The following MGAM variants were observed in gnomAD, a reference collection of about 807,000 sequenced individuals.
The protein encoded by MGAM is alpha-1,4-glucosidase.
Under a neutral mutation model 358.8 loss-of-function variants are expected in MGAM, and 253 were observed. The observed-to-expected ratio is 0.71, with a 90% confidence interval of 0.64 to 0.78. The LOEUF (loss-of-function observed/expected upper bound fraction) is 0.78. Ranked by LOEUF, MGAM falls within the 30% of genes least tolerant of loss-of-function variation. The pLI is 0.00. For synonymous variants in MGAM, 1,105 were observed against 1,227.1 expected (o/e 0.90, Z 2.08); for missense variants, 3,080 against 3,432.6 (o/e 0.90, Z 2.57).
At chr7:142,036,745 G>C in intron 17 of MGAM, 78 bp from the exon 18 acceptor site, 1 of 1,459,156 alleles carries the variant, frequency 6.9e-7, no homozygotes. Flanking sequence ...TGGTTGTAAT[G>C]AATGAGGTCT....
Position 142,074,181 on chromosome 7 carries a change from C to T in MGAM, c.5275+8C>T, listed in dbSNP as rs769629173. ...ATGATGGGCAAACAAAGGGTGAGCG[C>T]TGTTACAATAATGTTGCTGTTTCCC... On this transcript the variant is annotated splice_region_variant and intron_variant, in intron 45 of 70. Coordinates refer to ENST00000475668, the MANE Select transcript of MGAM (RefSeq NM_001365693.1). 6.1e-5 allele frequency: 92 copies of T among 1,509,334 alleles called. 19 individuals carry two copies. Among genetic ancestry groups the T allele is most frequent in the Non-Finnish European group, 8.3e-5 (91 of 1,099,768 alleles). The allele number at this position is 1,509,334 out of a possible 1,614,324, so 93.5% of individuals were successfully genotyped here. A position where few individuals can be genotyped will look rare whatever the true frequency, so the allele number is the denominator to read the frequency against.
chr7:141,988,116 C>G (rs1345385362), intron 2 of MGAM, among the ~76,000 whole-genome samples: 3 of 151,652 alleles, frequency 2.0e-5, no homozygotes, highest in East Asian at 3.9e-4. Context: ...GGTGAAACAC[C>G]ATAGCTACTA....
chr7:142,027,068 C>T (rs782243329), intron 8 of MGAM, 47 bp from the exon 9 acceptor site: 16 of 1,392,306 alleles, frequency 1.1e-5, no homozygotes, highest in Middle Eastern at 1.8e-4. Context: ...AGTTACTATT[C>T]AAGAATCAAT....
At chr7:142,050,912 A>G (rs1243166494) in intron 24 of MGAM, 48 bp downstream of exon 24, 1 of 1,611,622 alleles carries the variant, frequency 6.2e-7, no homozygotes, top group Non-Finnish European at 8.5e-7. Flanking sequence ...TCTCCATAGC[A>G]TCGTGATGTT....
chr7:142,034,077 T>C (rs991109350), intron 14 of MGAM, among the ~76,000 whole-genome samples, 185 bp from the exon 15 acceptor site: 10 of 152,214 alleles, frequency 6.6e-5, no homozygotes, highest in African/African-American at 2.4e-4. Flanking sequence ...GTCAGCAGAA[T>C]TCATTTATAT....
chr7:142,081,961 C>T lies in MGAM; in HGVS notation c.6003-81C>T, dbSNP rs1276107798. The T allele has an allele frequency of 1.6e-5, 22 of 1,355,082 alleles. 4 individuals carry two copies. Among genetic ancestry groups the T allele is most frequent in the Non-Finnish European group, 2.3e-5 (22 of 957,312 alleles). 83.9% of individuals were successfully genotyped at this position (1,355,082 alleles called of 1,614,324 possible). On this transcript the variant is annotated intron_variant, in intron 50 of 70. Transcript: ENST00000475668. ...AGCTTCTGGGTAGGAATCAAGTGTT[C>T]TGTTGTCCTTGAAAAGTCAGCTGCT...
At chr7:142,058,400 A>C (rs1292867571) in intron 31 of MGAM, 72 bp downstream of exon 31, 2 of 1,598,350 alleles carry the variant, frequency 1.3e-6, no homozygotes, top group Non-Finnish European at 1.7e-6. Context: ...TCATTTGTCT[A>C]ATGTTTGTTG....
At chr7:142,033,728 A>T (rs564826800) in intron 14 of MGAM, among the ~76,000 whole-genome samples, 2 of 152,146 alleles carry the variant, frequency 1.3e-5, no homozygotes, top group Non-Finnish European at 2.9e-5. Flanking sequence ...ATATAGTGTG[A>T]ACTAGAAATA....
intron 5 of MGAM, among the ~76,000 whole-genome samples, chr7:142,021,382 T>C (rs1350235313): frequency 6.6e-6 from 1 of 152,228 alleles, no homozygotes; most frequent in Non-Finnish European, 1.5e-5. Context: ...AATCCATCTC[T>C]GCAGATGTGC....
chr7:142,088,500 C>G (rs927589823), intron 57 of MGAM, among the ~76,000 whole-genome samples: 5 of 139,878 alleles, frequency 3.6e-5, no homozygotes, highest in Admixed American at 1.4e-4. Context: ...TCTATCATAT[C>G]TATGTATCTA....
intron 34 of MGAM, 65 bp from the exon 35 acceptor site, chr7:142,062,503 G>A: frequency 2.0e-6 from 3 of 1,529,538 alleles, no homozygotes; most frequent in Non-Finnish European, 2.6e-6. Context: ...TGCATTCTCA[G>A]TAAGTGCCTG....
chr7:142,050,604 G>C (rs1456371559), intron 23 of MGAM, 93 bp from the exon 24 acceptor site: 14 of 1,288,422 alleles, frequency 1.1e-5, no homozygotes, highest in Non-Finnish European at 1.5e-5. Flanking sequence ...TGGCAGTGGG[G>C]GGTATCCGGT....
chr7:142,011,039 T>C (rs1168878047), intron 3 of MGAM, among the ~76,000 whole-genome samples: 1 of 152,178 alleles, frequency 6.6e-6, no homozygotes, highest in Non-Finnish European at 1.5e-5. Context: ...TATAAAGCAC[T>C]GTGTAAACAT....
At chr7:142,061,576 G>A (rs1563182223) in intron 34 of MGAM, among the ~76,000 whole-genome samples, 1 of 152,020 alleles carries the variant, frequency 6.6e-6, no homozygotes, top group Non-Finnish European at 1.5e-5. Context: ...TTTATCTGTG[G>A]TGTATAAGAA....
intron 64 of MGAM, 54 bp downstream of exon 64, chr7:142,095,767 A>G: frequency 1.3e-6 from 2 of 1,598,786 alleles, no homozygotes; most frequent in East Asian, 2.2e-5. Context: ...TGCATTCTAT[A>G]TGGTGACAGT....
At chr7:142,008,380 A>G (rs1424360212) in intron 2 of MGAM, 126 bp from the exon 3 acceptor site, 1 of 998,020 alleles carries the variant, frequency 1.0e-6, no homozygotes, top group Non-Finnish European at 1.5e-6. Flanking sequence ...AAGTGAATGC[A>G]TAAATTTTGA....
chr7:142,058,312 C>T lies in MGAM; in HGVS notation c.3803C>T (p.Ala1268Val). Residue 1268 changes from alanine to valine, a missense_variant, in exon 31 of 71, where the codon GCT becomes GTT. Transcript: ENST00000475668. The part of the protein sequence containing the change: ...EIASLYDEMV[A>V]AQIPYDVQYS... ...GCCAGCTTGTATGATGAGATGGTGG[C>T]TGCCCAGATCCCTTATGTACGTTCT... is the stretch of plus-strand genomic sequence containing the variant. 3 of 1,613,878 alleles carry T rather than the reference C, an allele frequency of 1.9e-6. No individual in the cohort carries two copies. Among genetic ancestry groups the T allele is most frequent in the Non-Finnish European group, 2.5e-6 (3 of 1,179,826 alleles).
chr7:142,079,389 G>A (rs1323278936), intron 49 of MGAM, among the ~76,000 whole-genome samples: 1 of 145,480 alleles, frequency 6.9e-6, no homozygotes, highest in African/African-American at 2.4e-5. Flanking sequence ...TTGAAAGCAG[G>A]CGACAATGGA....
intron 1 of MGAM, among the ~76,000 whole-genome samples, chr7:141,999,086 G>A (rs1446226688): frequency 2.6e-5 from 4 of 151,950 alleles, no homozygotes; most frequent in Non-Finnish European, 4.4e-5. Flanking sequence ...GTCTCATGAC[G>A]GCAGGGATTT....
Sources: allele counts gnomAD v4.1 joint callset (sites outside exome capture counted in the v4.1 genomes callset), GRCh38; gene constraint gnomAD v4.1.1; transcripts MANE v1.5; gene names NCBI Gene and HGNC (gene_info 2026-07-23, HGNC 2026-07-21).